SEMA5A: variants seen among roughly 807,000 people sequenced by gnomAD.
SEMA5A encodes the protein semaphorin 5A.
Under a neutral mutation model 135.5 loss-of-function variants are expected in SEMA5A, and 55 were observed. That is an observed-to-expected ratio of 0.41 (90% CI 0.33 to 0.51). The LOEUF is 0.51. Among genes scored for constraint, SEMA5A ranks in the 20% least tolerant of loss-of-function variants. SEMA5A has a pLI of 0.37. For synonymous variants in SEMA5A, 580 were observed against 546.5 expected, an observed-to-expected ratio of 1.06 and a Z score of -0.85; for missense variants, 1,290 against 1,419.9, an observed-to-expected ratio of 0.91 and a Z score of 1.47.
rs185222234 is a variant in SEMA5A at position 9,147,241 on chromosome 5, C to T, written c.1481+7247G>A. Among the ~76,000 whole-genome samples, 180 of 152,270 alleles carry T rather than the reference C, an allele frequency of 1.2e-3. 1 individual carries two copies. The highest frequency in any genetic ancestry group is 3.9e-3 in the African/African-American group (163 of 41,568). ...TATTAAAGGCTAACTGCATTAAGAA[C>T]GCCCAAATACCAGTTCACTCAATAG... On this transcript the variant is annotated intron_variant, in intron 12 of 22. Coordinates refer to ENST00000382496, the MANE Select transcript of SEMA5A (RefSeq NM_003966.3).
intron 16 of SEMA5A, among the ~76,000 whole-genome samples, chr5:9,107,534 G>T (rs187939165): frequency 6.6e-6 from 1 of 152,048 alleles, no homozygotes; most frequent in Non-Finnish European, 1.5e-5. Flanking sequence ...GTCCCAAACC[G>T]AATAGAGTAG....
At chr5:9,390,996 G>A (rs1355508459) in intron 2 of SEMA5A, 2 of 152,158 alleles carry the variant, frequency 1.3e-5, no homozygotes, top group Non-Finnish European at 2.9e-5. Flanking sequence ...AATTTTAACA[G>A]GTAAGTCCCT....
intron 3 of SEMA5A, among the ~76,000 whole-genome samples, chr5:9,367,866 A>G (rs776871414): frequency 3.9e-5 from 6 of 152,198 alleles, no homozygotes; most frequent in Non-Finnish European, 7.3e-5. Flanking sequence ...GGTTGTTAAA[A>G]AAGAGTCTGG....
At position 9,273,827 on chromosome 5, in the gene SEMA5A, C is replaced by T. The variant is rs562298336; in HGVS notation, c.271-35937G>A. On this transcript the variant is annotated intron_variant, in intron 5 of 22. Coordinates refer to ENST00000382496, the MANE Select transcript of SEMA5A (RefSeq NM_003966.3). The stretch of plus-strand genomic sequence containing the variant: ...CACCACCAGGCCTGCCCTACAAGAG[C>T]TCCTGAAGGAAGCACTAAACATGGA... Among the ~76,000 whole-genome samples, 225 of 152,254 alleles carry T rather than the reference C, an allele frequency of 1.5e-3. 2 individuals are homozygous for T. Among genetic ancestry groups the T allele is most frequent in the Non-Finnish European group, 2.4e-3 (161 of 68,016 alleles).
intron 1 of SEMA5A, among the ~76,000 whole-genome samples, chr5:9,469,957 C>T (rs932084383): frequency 6.6e-6 from 1 of 151,938 alleles, no homozygotes; most frequent in Non-Finnish European, 1.5e-5. Flanking sequence ...TTGAGCAGGC[C>T]CCAAATGGAA....
chr5:9,268,946 A>T (rs982725355), intron 5 of SEMA5A, among the ~76,000 whole-genome samples: 1 of 152,130 alleles, frequency 6.6e-6, no homozygotes, highest in Non-Finnish European at 1.5e-5. Context: ...CAATTTCCAG[A>T]TCAAGAGCTA....
At chr5:9,391,267 G>A (rs560247406) in intron 2 of SEMA5A, among the ~76,000 whole-genome samples, 2 of 152,302 alleles carry the variant, frequency 1.3e-5, no homozygotes, top group African/African-American at 4.8e-5. Context: ...TCCAGCAAAT[G>A]ACGCAATGGC....
intron 1 of SEMA5A, among the ~76,000 whole-genome samples, chr5:9,463,093 C>A (rs1251159223): frequency 6.6e-6 from 1 of 151,828 alleles, no homozygotes; most frequent in Non-Finnish European, 1.5e-5. Context: ...AAGGATGCAA[C>A]TTGCATCCAA....
rs539512835 is a variant in SEMA5A at position 9,544,936 on chromosome 5, T to C, written c.-175+648A>G. Among the ~76,000 whole-genome samples, 115 of 152,282 alleles carry C rather than the reference T, an allele frequency of 7.6e-4. 1 individual carries two copies. Among genetic ancestry groups the C allele is most frequent in the African/African-American group, 2.6e-3 (109 of 41,570 alleles). ...GGGTCTGAAACCCTGAGCCGCGGTG[T>C]GCAAAATCCGTGGAGCAGCGGAGGG... is the stretch of plus-strand genomic sequence containing the variant. On this transcript the variant is annotated intron_variant, in intron 1 of 22. Coordinates refer to ENST00000382496, the MANE Select transcript of SEMA5A (RefSeq NM_003966.3).
chr5:9,324,080 T>C (rs1276254276), intron 4 of SEMA5A, among the ~76,000 whole-genome samples: 1 of 152,010 alleles, frequency 6.6e-6, no homozygotes, highest in Non-Finnish European at 1.5e-5. Flanking sequence ...TTTTATTTTT[T>C]TTTTTTGAGA....
At chr5:9,085,138 A>G (rs928633150) in intron 16 of SEMA5A, among the ~76,000 whole-genome samples, 5 of 152,346 alleles carry the variant, frequency 3.3e-5, no homozygotes, top group Non-Finnish European at 4.4e-5. Context: ...TGTTAAAAGC[A>G]TTCCGTTTTA....
At chr5:9,136,098 C>T (rs1009383855) in intron 13 of SEMA5A, among the ~76,000 whole-genome samples, 10 of 152,146 alleles carry the variant, frequency 6.6e-5, no homozygotes, top group African/African-American at 2.4e-4. Context: ...TTATTCTTTT[C>T]TCATCTTTCC....
intron 1 of SEMA5A, among the ~76,000 whole-genome samples, chr5:9,484,182 A>C (rs1287840811): frequency 1.3e-5 from 2 of 152,206 alleles, no homozygotes; most frequent in Non-Finnish European, 2.9e-5. Flanking sequence ...ACTTTTTAAA[A>C]AGCTTGAATT....
intron 1 of SEMA5A, among the ~76,000 whole-genome samples, chr5:9,521,235 C>A (rs1361504806): frequency 6.6e-6 from 1 of 152,100 alleles, no homozygotes. Context: ...CATGGCGAAA[C>A]CCCATCTCTA....
chr5:9,068,123 T>C (rs141961203), intron 16 of SEMA5A, among the ~76,000 whole-genome samples: 1 of 152,356 alleles, frequency 6.6e-6, no homozygotes, highest in East Asian at 1.9e-4. Flanking sequence ...CTTCTGTATC[T>C]TCTAATTGCT....
At chr5:9,073,571 CT>C (rs1310419245) in intron 16 of SEMA5A, among the ~76,000 whole-genome samples, 1 of 152,078 alleles carries the variant, frequency 6.6e-6, no homozygotes, top group Admixed American at 6.6e-5. Context: ...GTCCTTATCA[CT>C]TTTATTCAAG....
chr5:9,470,309 A>G (rs1249100972), intron 1 of SEMA5A, among the ~76,000 whole-genome samples: 2 of 152,200 alleles, frequency 1.3e-5, no homozygotes, highest in Non-Finnish European at 2.9e-5. Flanking sequence ...AATACTGTAC[A>G]ATGACTGAGA....
chr5:9,103,957 T>G (rs1739766984), intron 16 of SEMA5A, among the ~76,000 whole-genome samples: 1 of 152,118 alleles, frequency 6.6e-6, no homozygotes, highest in Admixed American at 6.6e-5. Context: ...AAATCAAGAG[T>G]GTAAATCAAG....
chr5:9,345,826 TACACA>T (rs376851521), intron 3 of SEMA5A, among the ~76,000 whole-genome samples: 59 of 152,298 alleles, frequency 3.9e-4, no homozygotes, highest in African/African-American at 1.1e-3. Context: ...TACTGTATTA[TACACA>T]ACACAATACA....
Sources: gnomAD v4.1 joint callset for allele counts (sites outside exome capture counted in the v4.1 genomes callset) on GRCh38, gnomAD v4.1.1 for gene constraint, MANE v1.5 for transcripts, NCBI Gene and HGNC (gene_info 2026-07-23, HGNC 2026-07-21) for gene names.